Variants in SYT14 observed in about 807,000 individuals in gnomAD.
SYT14 encodes the protein synaptotagmin 14.
A neutral mutation model predicts 74.2 loss-of-function variants in SYT14; 32 were observed. The ratio of observed to expected loss-of-function variants is 0.43; its 90% CI spans 0.33 to 0.58. The LOEUF (loss-of-function observed/expected upper bound fraction) is 0.58. Among genes scored for constraint, SYT14 ranks in the 20% least tolerant of loss-of-function variants. The probability of loss-of-function intolerance (pLI) is 0.05; values close to 1 mark genes in which losing one functional copy is unlikely to be tolerated. For synonymous variants in SYT14, 298 were observed against 337.7 expected (o/e 0.88, Z 1.29); for missense variants, 791 against 981.8 (o/e 0.81, Z 2.60).
At chr1:209,998,993 A>C (rs559774601) in intron 2 of SYT14, among the ~76,000 whole-genome samples, 51 of 152,218 alleles carry the variant, frequency 3.4e-4, no homozygotes, top group African/African-American at 1.2e-3. Flanking sequence ...ACAACAGAGC[A>C]AAAAGACAAC....
chr1:209,990,755 A>AC (rs2079669126), intron 2 of SYT14, among the ~76,000 whole-genome samples: 1 of 34,046 alleles, frequency 2.9e-5, no homozygotes, highest in South Asian at 7.3e-4. Flanking sequence ...ATATACCCAT[A>AC]AAAAATTTAA....
chr1:210,014,994 A>G, intron 3 of SYT14, among the ~76,000 whole-genome samples: 1 of 125,672 alleles, frequency 8.0e-6, no homozygotes, highest in East Asian at 2.6e-4. Context: ...TTATTTACCA[A>G]TTTAAAACAG....
intron 7 of SYT14, among the ~76,000 whole-genome samples, chr1:210,125,858 T>A (rs1238142691): frequency 6.6e-6 from 1 of 152,186 alleles, no homozygotes; most frequent in East Asian, 1.9e-4. Context: ...GTTAAAATGG[T>A]TTCTTAACAT....
At chr1:209,994,871 T>G (rs996453181) in intron 2 of SYT14, among the ~76,000 whole-genome samples, 1 of 152,218 alleles carries the variant, frequency 6.6e-6, no homozygotes, top group Non-Finnish European at 1.5e-5. Flanking sequence ...CAGCTAAGAA[T>G]TTCATCTCTT....
At chr1:210,072,136 T>G (rs750932173) in intron 5 of SYT14, among the ~76,000 whole-genome samples, 36 of 149,566 alleles carry the variant, frequency 2.4e-4, no homozygotes, top group Non-Finnish European at 4.9e-4. Context: ...ATTAAAGATA[T>G]ATATATATAT....
At chr1:210,032,181 A>G (rs557789344) in intron 5 of SYT14, among the ~76,000 whole-genome samples, 8 of 152,206 alleles carry the variant, frequency 5.3e-5, no homozygotes, top group East Asian at 1.9e-4. Flanking sequence ...GATTAAGTAC[A>G]CTGCCATCTA....
intron 2 of SYT14, chr1:209,953,109 A>T (rs2078938396): frequency 7.7e-7 from 1 of 1,304,014 alleles, no homozygotes; most frequent in Admixed American, 2.3e-5. Context: ...CTATTACTGT[A>T]CCCCATCAGA....
chr1:210,012,217 G>A (rs1245209411), intron 2 of SYT14, among the ~76,000 whole-genome samples: 3 of 152,110 alleles, frequency 2.0e-5, no homozygotes, highest in Admixed American at 6.5e-5. Flanking sequence ...TGATCTTTCA[G>A]CACTGGAATA....
chr1:210,052,804 A>T (rs1304543475), intron 5 of SYT14, among the ~76,000 whole-genome samples: 4 of 152,056 alleles, frequency 2.6e-5, no homozygotes, highest in African/African-American at 9.7e-5. Flanking sequence ...ACAGGAAATT[A>T]TTGAGGTGTT....
exon 10 of SYT14, chr1:210,169,221 G>GTTTTTTTTTTTTTTTTTTTTTTTT (rs35974726): frequency 2.0e-5 from 1 of 50,248 alleles, no homozygotes; most frequent in African/African-American, 7.8e-5. Context: ...TGTTTTTGGT[G>GTTTTTTTTTTTTTTTTTTTTTTTT]TTTTTTTTTT....
At chr1:210,147,190 A>G (rs958525864) in intron 7 of SYT14, among the ~76,000 whole-genome samples, 11 of 152,068 alleles carry the variant, frequency 7.2e-5, no homozygotes, top group East Asian at 1.9e-4. Context: ...GAATAAGACA[A>G]TGTGGGAAAA....
chr1:209,982,320 T>G (rs1189764222), intron 2 of SYT14, among the ~76,000 whole-genome samples: 1 of 152,138 alleles, frequency 6.6e-6, no homozygotes, highest in East Asian at 1.9e-4. Context: ...CGTGGCTGGC[T>G]TATTTTTGTA....
chr1:210,013,269 C>T (rs1175883339), intron 2 of SYT14, among the ~76,000 whole-genome samples: 1 of 152,042 alleles, frequency 6.6e-6, no homozygotes, highest in Non-Finnish European at 1.5e-5. Flanking sequence ...CAGGGTTTCA[C>T]CATATTGGCC....
chr1:209,969,264 A>G (rs2079206000), intron 2 of SYT14, among the ~76,000 whole-genome samples: 1 of 152,050 alleles, frequency 6.6e-6, no homozygotes, highest in South Asian at 2.1e-4. Flanking sequence ...GATACCTGGT[A>G]ATGGGATTGC....
At chr1:210,156,941 A>G (rs943045220) in intron 8 of SYT14, 7 of 310,732 alleles carry the variant, frequency 2.3e-5, no homozygotes, top group African/African-American at 4.3e-5. Flanking sequence ...TGATCCATCC[A>G]CTTCGGCCTC....
At chr1:210,113,599 A>G (rs924221343) in intron 7 of SYT14, among the ~76,000 whole-genome samples, 3 of 150,758 alleles carry the variant, frequency 2.0e-5, no homozygotes, top group Admixed American at 2.0e-4. Context: ...TTTTAATGAG[A>G]TGGTAAGGGG....
chr1:209,986,718 G>A (rs2079577155), intron 2 of SYT14, among the ~76,000 whole-genome samples: 1 of 152,016 alleles, frequency 6.6e-6, no homozygotes, highest in African/African-American at 2.4e-5. Context: ...CTGCCTCCCG[G>A]GTTCAAGCAA....
chr1:210,152,142 A>G (rs1386914224), intron 7 of SYT14, among the ~76,000 whole-genome samples: 1 of 152,178 alleles, frequency 6.6e-6, no homozygotes, highest in Non-Finnish European at 1.5e-5. Context: ...TGTTTTCTCC[A>G]ACTGTCATGA....
intron 2 of SYT14, among the ~76,000 whole-genome samples, chr1:210,010,225 A>G (rs1003065284): frequency 6.6e-6 from 1 of 152,162 alleles, no homozygotes; most frequent in African/African-American, 2.4e-5. Context: ...TTCTTTGACA[A>G]TTTGGACCTT....
Sources: gnomAD v4.1 joint callset for allele counts (sites outside exome capture counted in the v4.1 genomes callset) on GRCh38, gnomAD v4.1.1 for gene constraint, MANE v1.5 for transcripts, NCBI Gene and HGNC (gene_info 2026-07-23, HGNC 2026-07-21) for gene names.